The following PCDHGA2 variants were observed in gnomAD, a reference collection of about 807,000 sequenced individuals.
PCDHGA2 encodes the protein protocadherin gamma subfamily A, 2.
Under a neutral mutation model 59.2 loss-of-function variants are expected in PCDHGA2, and 40 were observed. The observed-to-expected ratio is 0.68, with a 90% CI of 0.52 to 0.88. PCDHGA2 has a LOEUF of 0.88. Among genes scored for constraint, PCDHGA2 ranks in the 40% least tolerant of loss-of-function variants. The pLI, the probability that PCDHGA2 is intolerant of heterozygous loss-of-function variation, is 0.00. For missense variants in PCDHGA2, 1,226 were observed against 1,204.0 expected (o/e 1.02, Z -0.27); for synonymous variants, 560 against 526.0 (o/e 1.06, Z -0.89).
At chr5:141,475,884 G>C (rs998700290) in intron 1 of PCDHGA2, 1 of 557,810 alleles carries the variant, frequency 1.8e-6, no homozygotes, top group Non-Finnish European at 3.2e-6. Flanking sequence ...TATTGGCTGG[G>C]ACTCTGTGTG....
chr5:141,490,045 C>G lies in PCDHGA2; in HGVS notation c.2425-4762C>G, dbSNP rs530803072. 6 of 1,614,114 alleles carry G rather than the reference C, an allele frequency of 3.7e-6. No individual in the cohort carries two copies. The highest frequency in any genetic ancestry group is 5.1e-6 in the Non-Finnish European group (6 of 1,180,014). On this transcript the variant is annotated intron_variant, in intron 1 of 3. Coordinates refer to ENST00000394576, the MANE Select transcript of PCDHGA2 (RefSeq NM_018915.4). This position sits in a 1 kb window ranked among gnomAD's most constrained non-coding sequence, Gnocchi z 5.4. ...GCTGCTCCGCCTCAATGCCACTGAT[C>G]CAGACGAGGGCACCAACGGCCAACT...
rs376764580 is a variant in PCDHGA2 at position 141,400,568 on chromosome 5, T to C, written c.2424+59173T>C. On this transcript the variant is annotated intron_variant, in intron 1 of 3. Coordinates refer to ENST00000394576, the MANE Select transcript of PCDHGA2 (RefSeq NM_018915.4). ...TATTCTTTTTCATTACCCACCCAATTTTCTGTATTTACATGAAACTATCGT... is the reference window on the plus strand; with the variant it reads ...TATTCTTTTTCATTACCCACCCAATCTTCTGTATTTACATGAAACTATCGT... 46 of 1,612,870 alleles carry C rather than the reference T, an allele frequency of 2.9e-5. No homozygotes were observed. In the African/African-American group the frequency reaches 5.7e-4, roughly 20 times the overall value.
intron 1 of PCDHGA2, chr5:141,365,283 A>C: frequency 6.2e-7 from 1 of 1,614,010 alleles, no homozygotes; most frequent in East Asian, 2.2e-5. Context: ...TACCTCATGG[A>C]AGTGGTAGCT....
In PCDHGA2 at chr5:141,431,357, C is replaced by G. The variant is rs762220618; in HGVS notation, c.2425-63450C>G. 1.9e-5 allele frequency: 31 copies of G among 1,613,926 alleles called. No homozygotes were observed. Among genetic ancestry groups the G allele is most frequent in the Non-Finnish European group, 2.2e-5 (26 of 1,180,046 alleles). On this transcript the variant is annotated intron_variant, in intron 1 of 3. Coordinates refer to ENST00000394576, the MANE Select transcript of PCDHGA2 (RefSeq NM_018915.4). The surrounding 1 kb of genome is among the most constrained non-coding windows in gnomAD (Gnocchi z 4.8). ...CCCCGAATTGGTGCTGAAACGCGCC[C>G]TGGACCGCGAAGAAAAGGCTGCTCA...
At chr5:141,346,999 T>C (rs906350412) in intron 1 of PCDHGA2, among the ~76,000 whole-genome samples, 2 of 149,218 alleles carry the variant, frequency 1.3e-5, no homozygotes, top group African/African-American at 5.2e-5. Context: ...TTTTTCTTTC[T>C]CCTTCCTTCC....
chr5:141,409,766 C>G, intron 1 of PCDHGA2: 1 of 1,612,910 alleles, frequency 6.2e-7, no homozygotes, highest in Non-Finnish European at 8.5e-7. Context: ...CGCCTTTGAT[C>G]ACGAGCAGCT....
chr5:141,408,556 T>C (rs1215804867), intron 1 of PCDHGA2: 3 of 1,613,940 alleles, frequency 1.9e-6, no homozygotes, highest in Non-Finnish European at 2.5e-6. Context: ...ATATTTTTCA[T>C]GTCATTGTGG....
intron 1 of PCDHGA2, chr5:141,365,372 A>T (rs1763874663): frequency 6.2e-7 from 1 of 1,613,798 alleles, no homozygotes; most frequent in African/African-American, 1.3e-5. Flanking sequence ...CCCCGAAGTG[A>T]TCCTCACCTC....
At chr5:141,479,798 G>A (rs892288776) in intron 1 of PCDHGA2, among the ~76,000 whole-genome samples, 3 of 152,116 alleles carry the variant, frequency 2.0e-5, no homozygotes, top group African/African-American at 7.2e-5. Flanking sequence ...ATTAATTCAG[G>A]GTGGTATGCA....
At chr5:141,351,234 C>A in intron 1 of PCDHGA2, 3 of 1,614,006 alleles carry the variant, frequency 1.9e-6, no homozygotes, top group Non-Finnish European at 2.5e-6. Context: ...GTACACACAG[C>A]TCACTGTAAT....
chr5:141,377,114 GA>G (rs1209005663), intron 1 of PCDHGA2: 4 of 152,232 alleles, frequency 2.6e-5, no homozygotes, highest in African/African-American at 9.7e-5. Flanking sequence ...AGAATGTTCT[GA>G]AGTCTTAATT....
At chr5:141,347,679 T>C in intron 1 of PCDHGA2, among the ~76,000 whole-genome samples, 1 of 150,896 alleles carries the variant, frequency 6.6e-6, no homozygotes, top group African/African-American at 2.4e-5. Flanking sequence ...CCAAGCTACT[T>C]GGGAAGCTGA....
chr5:141,430,315 T>C (rs185896854), intron 1 of PCDHGA2, among the ~76,000 whole-genome samples: 58 of 151,980 alleles, frequency 3.8e-4, no homozygotes, highest in African/African-American at 1.3e-3. Context: ...CATTATAAGA[T>C]TAAAATCATT....
intron 1 of PCDHGA2, chr5:141,361,493 AAC>A: frequency 6.2e-7 from 1 of 1,614,036 alleles, no homozygotes; most frequent in Non-Finnish European, 8.5e-7. Flanking sequence ...CCAGTTTTCC[AAC>A]AGACTTCCTA....
At chr5:141,365,533 C>T (rs772815348) in intron 1 of PCDHGA2, 21 of 1,613,642 alleles carry the variant, frequency 1.3e-5, no homozygotes, top group Non-Finnish European at 1.8e-5. Flanking sequence ...TTGATAATTA[C>T]TATCACCTAT....
intron 1 of PCDHGA2, chr5:141,344,250 C>A: frequency 6.2e-7 from 1 of 1,614,052 alleles, no homozygotes; most frequent in Non-Finnish European, 8.5e-7. Context: ...AGGTAGGACG[C>A]AGCTTTTCTC....
intron 1 of PCDHGA2, chr5:141,478,342 G>T (rs1489278202): frequency 6.2e-7 from 1 of 1,613,862 alleles, no homozygotes; most frequent in Non-Finnish European, 8.5e-7. Flanking sequence ...GGCCCTCCTT[G>T]CACGCGGACG....
At position 141,423,386 on chromosome 5, in the gene PCDHGA2, G is replaced by C; in HGVS notation, c.2425-71421G>C. ...CTGCTGGCACTCAGGCTGTGGCGCT[G>C]GCATAAGTCACGCCTGCTGCAGGCT... On this transcript the variant is annotated intron_variant, in intron 1 of 3. Transcript: ENST00000394576. The C allele has an allele frequency of 1.9e-6, 3 of 1,614,160 alleles. No homozygotes were observed. The South Asian group carries it at 3.3e-5, about 18-fold the overall frequency.
chr5:141,403,974 A>G (rs1351754228), intron 1 of PCDHGA2: 1 of 1,613,872 alleles, frequency 6.2e-7, no homozygotes, highest in African/African-American at 1.3e-5. Flanking sequence ...GAAGATGTAA[A>G]TGACAATAGA....
Sources: gnomAD v4.1 joint callset for allele counts (sites outside exome capture counted in the v4.1 genomes callset) on GRCh38, gnomAD v4.1.1 for gene constraint, Gnocchi (gnomAD v3.1) non-coding constraint, MANE v1.5 for transcripts, NCBI Gene and HGNC (gene_info 2026-07-23, HGNC 2026-07-21) for gene names.